SGCZ: variants seen among roughly 807,000 people sequenced by gnomAD.
SGCZ encodes sarcoglycan zeta.
A neutral mutation model predicts 41.3 loss-of-function variants in SGCZ; 40 were observed. The ratio of observed to expected loss-of-function variants is 0.97; its 90% CI spans 0.75 to 1.26. The LOEUF (loss-of-function observed/expected upper bound fraction) is 1.26. Among genes scored for constraint, SGCZ ranks in the 50% most tolerant of loss-of-function variants. The pLI is 0.00. For missense variants in SGCZ, 552 were observed against 369.8 expected, an observed-to-expected ratio of 1.49 and a Z score of -4.04; for synonymous variants, 206 against 137.5, an observed-to-expected ratio of 1.50 and a Z score of -3.49.
At chr8:14,111,385 A>C (rs549444010) in intron 5 of SGCZ, among the ~76,000 whole-genome samples, 5 of 152,296 alleles carry the variant, frequency 3.3e-5, no homozygotes, top group South Asian at 2.1e-4. Flanking sequence ...ACTTATGCTC[A>C]CTTAGAGAAA....
At chr8:14,757,803 C>T (rs987392007) in intron 1 of SGCZ, among the ~76,000 whole-genome samples, 2 of 152,060 alleles carry the variant, frequency 1.3e-5, no homozygotes, top group South Asian at 2.1e-4. Context: ...TATCATTTTA[C>T]GTAAATATTT....
intron 1 of SGCZ, among the ~76,000 whole-genome samples, chr8:14,971,791 A>G (rs1318033308): frequency 5.3e-5 from 8 of 151,866 alleles, no homozygotes. Flanking sequence ...CAGGGACCAC[A>G]GGCGCATGCC....
chr8:14,924,592 G>C (rs1799688160), intron 1 of SGCZ, among the ~76,000 whole-genome samples: 1 of 151,568 alleles, frequency 6.6e-6, no homozygotes, highest in Non-Finnish European at 1.5e-5. Flanking sequence ...CATATTTCTA[G>C]ATTTTTTAAC....
rs532528584 is a variant in SGCZ, at chr8:14,366,010, C to T, written c.235-41806G>A. On this transcript the variant is annotated intron_variant, in intron 2 of 7. Coordinates refer to ENST00000382080, the MANE Select transcript of SGCZ (RefSeq NM_139167.4). ...TTCTCTATTTCTGATTTTCTTTCTA[C>T]ATTTTTGAAATTTGATAAACTTTGT... 2.6e-5 allele frequency among the ~76,000 whole-genome samples: 4 copies of T among 152,212 alleles called. No individual in the cohort carries two copies. The East Asian group carries it at 5.8e-4, about 22-fold the overall frequency.
At chr8:14,398,633 AT>A (rs763912443) in intron 2 of SGCZ, among the ~76,000 whole-genome samples, 1 of 151,990 alleles carries the variant, frequency 6.6e-6, no homozygotes, top group Non-Finnish European at 1.5e-5. Flanking sequence ...CAAGATTTTT[AT>A]TTTTTTTAAA....
At chr8:14,741,228 C>A (rs1390801716) in intron 1 of SGCZ, among the ~76,000 whole-genome samples, 2 of 151,958 alleles carry the variant, frequency 1.3e-5, no homozygotes, top group African/African-American at 2.4e-5. Flanking sequence ...CCTGCCCTCC[C>A]ATTAATTCAC....
At chr8:14,109,136 G>A (rs1453240243) in intron 5 of SGCZ, among the ~76,000 whole-genome samples, 1 of 152,148 alleles carries the variant, frequency 6.6e-6, no homozygotes, top group Non-Finnish European at 1.5e-5. Context: ...TGGAGTTAGG[G>A]CTTAATCTAA....
intron 1 of SGCZ, among the ~76,000 whole-genome samples, chr8:14,748,720 G>A (rs182174508): frequency 1.4e-4 from 21 of 152,038 alleles, no homozygotes; most frequent in Non-Finnish European, 2.4e-4. Context: ...AAATTAAATG[G>A]CTATACATCA....
intron 3 of SGCZ, among the ~76,000 whole-genome samples, chr8:14,286,874 T>G (rs919651333): frequency 5.9e-5 from 9 of 152,080 alleles, no homozygotes; most frequent in Admixed American, 4.6e-4. Flanking sequence ...GTGCTGGTAT[T>G]ATCACAATGA....
At chr8:14,326,947 C>A (rs1303552416) in intron 2 of SGCZ, among the ~76,000 whole-genome samples, 1 of 151,860 alleles carries the variant, frequency 6.6e-6, no homozygotes, top group South Asian at 2.1e-4. Flanking sequence ...ATTTGCTAGA[C>A]AGGAATGACA....
At chr8:14,137,392 A>G (rs1302506285) in intron 5 of SGCZ, among the ~76,000 whole-genome samples, 1 of 152,240 alleles carries the variant, frequency 6.6e-6, no homozygotes, top group Non-Finnish European at 1.5e-5. Context: ...GAGCTAAAGG[A>G]GGATGTTCAA....
At chr8:14,491,587 G>A (rs913637814) in intron 2 of SGCZ, among the ~76,000 whole-genome samples, 14 of 152,130 alleles carry the variant, frequency 9.2e-5, no homozygotes, top group Admixed American at 7.2e-4. Context: ...ATAGATAAAG[G>A]AAAGCTGATA....
At chr8:14,777,824 T>C (rs572513587) in intron 1 of SGCZ, among the ~76,000 whole-genome samples, 2 of 151,956 alleles carry the variant, frequency 1.3e-5, no homozygotes, top group African/African-American at 4.8e-5. Flanking sequence ...AAAATGTTAA[T>C]TGAATCTGAG....
chr8:15,064,007 C>T (rs1462245875), intron 1 of SGCZ, among the ~76,000 whole-genome samples: 5 of 152,110 alleles, frequency 3.3e-5, no homozygotes, highest in African/African-American at 1.2e-4. Context: ...GTATAATAAG[C>T]TAGGCCTTCA....
chr8:15,140,324 C>G (rs1033001098), intron 1 of SGCZ, among the ~76,000 whole-genome samples: 1 of 152,166 alleles, frequency 6.6e-6, no homozygotes, highest in African/African-American at 2.4e-5. Context: ...CGTGCCCAGT[C>G]ATTATAGAGC....
chr8:14,183,531 G>A (rs775520775), intron 4 of SGCZ, among the ~76,000 whole-genome samples: 2 of 152,152 alleles, frequency 1.3e-5, no homozygotes, highest in Non-Finnish European at 2.9e-5. Flanking sequence ...CTCTGGGAAT[G>A]TAAAGGTGGT....
intron 1 of SGCZ, among the ~76,000 whole-genome samples, chr8:14,567,410 C>G (rs67473342): frequency 0.31 from 47,783 of 152,020 alleles, 7,865 homozygotes; most frequent in African/African-American, 0.42. Flanking sequence ...AGTGGACACT[C>G]TTTATCTAGC....
intron 3 of SGCZ, among the ~76,000 whole-genome samples, chr8:14,258,402 G>A (rs1480936448): frequency 1.3e-5 from 2 of 152,050 alleles, no homozygotes; most frequent in African/African-American, 4.8e-5. Context: ...TGACCTACTG[G>A]AGGATTCATG....
intron 1 of SGCZ, among the ~76,000 whole-genome samples, chr8:14,676,908 T>C (rs112884020): frequency 0.013 from 1,922 of 152,248 alleles, 36 homozygotes; most frequent in African/African-American, 0.031. Context: ...AGGAATAAGG[T>C]AAGGATGCCT....
Sources: allele counts gnomAD v4.1 joint callset (sites outside exome capture counted in the v4.1 genomes callset), GRCh38; gene constraint gnomAD v4.1.1; transcripts MANE v1.5; gene names NCBI Gene and HGNC (gene_info 2026-07-23, HGNC 2026-07-21).